Variants in COPB1 observed in about 807,000 individuals in gnomAD.
COPB1 encodes the protein coat protein complex I subunit beta 1, also known as coatomer subunit beta.
A neutral mutation model predicts 108.7 loss-of-function variants in COPB1; 21 were observed. That is an observed-to-expected ratio of 0.19 (90% CI 0.14 to 0.28). The LOEUF (loss-of-function observed/expected upper bound fraction) is 0.28, where lower values mean the gene tolerates loss of function less well. COPB1 is among the 10% of genes least tolerant of loss of function. The pLI, the probability that COPB1 is intolerant of heterozygous loss-of-function variation, is 1.00. For synonymous variants in COPB1, 378 were observed against 386.8 expected, an observed-to-expected ratio of 0.98 and a Z score of 0.27; for missense variants, 919 against 1,141.3, an observed-to-expected ratio of 0.81 and a Z score of 2.81.
At chr11:14,474,853 T>C (rs1004130631) in intron 13 of COPB1, among the ~76,000 whole-genome samples, 2 of 152,084 alleles carry the variant, frequency 1.3e-5, no homozygotes, top group African/African-American at 4.8e-5. Flanking sequence ...CCCAGCACTT[T>C]GGGAGGCCAA....
At chr11:14,459,496 A>T (rs957129991) in intron 20 of COPB1, among the ~76,000 whole-genome samples, 1 of 152,166 alleles carries the variant, frequency 6.6e-6, no homozygotes, top group Admixed American at 6.5e-5. Flanking sequence ...TACATACACA[A>T]ACATAGCAAA....
At position 14,499,044 on chromosome 11, in the gene COPB1, G is replaced by A. The variant is rs539834016; in HGVS notation, c.-57-59C>T. On this transcript the variant is annotated intron_variant, in intron 1 of 21. Transcript: ENST00000439561. ...TTAAAAAAAAAAAACCCACAAACAAGTACCTATAGTGACCTTTTAAAGTAT... is the reference window on the plus strand; with the variant it reads ...TTAAAAAAAAAAAACCCACAAACAAATACCTATAGTGACCTTTTAAAGTAT... The A allele has an allele frequency of 4.7e-4, 361 of 771,920 alleles. 3 individuals carry two copies. The South Asian group carries it at 6.3e-3, about 13-fold the overall frequency. 47.8% of individuals were successfully genotyped at this position (771,920 alleles called of 1,614,324 possible). A position where few individuals can be genotyped will look rare whatever the true frequency, so the allele number is the denominator to read the frequency against.
At chr11:14,472,381 A>G (rs1025797617) in intron 14 of COPB1, among the ~76,000 whole-genome samples, 2 of 152,246 alleles carry the variant, frequency 1.3e-5, no homozygotes, top group Non-Finnish European at 2.9e-5. Context: ...TCCCGTAAAG[A>G]GGATGTGCTG....
chr11:14,483,722 G>A (rs2134117532), intron 7 of COPB1, among the ~76,000 whole-genome samples: 1 of 151,870 alleles, frequency 6.6e-6, no homozygotes. Flanking sequence ...AAGAAGGGAG[G>A]GAGGGAAGAG....
intron 8 of COPB1, among the ~76,000 whole-genome samples, chr11:14,481,474 T>TA (rs901399142): frequency 1.3e-5 from 2 of 151,852 alleles, no homozygotes; most frequent in African/African-American, 4.8e-5. Context: ...ATCAGTGTCA[T>TA]AAAAAAAAGA....
intron 8 of COPB1, among the ~76,000 whole-genome samples, chr11:14,481,459 A>G (rs1246555424): frequency 2.0e-5 from 3 of 152,230 alleles, no homozygotes; most frequent in Non-Finnish European, 4.4e-5. Context: ...TGGTCTCTTC[A>G]ACAAATCAGT....
rs999476955 is a variant in COPB1, at chr11:14,457,737, T to C, written c.*87A>G. The C allele has an allele frequency of 2.4e-6, 2 of 826,274 alleles. No individual in the cohort carries two copies. The highest frequency in any genetic ancestry group is 3.4e-5 in the African/African-American group (2 of 58,590). 51.2% of individuals were successfully genotyped at this position (826,274 alleles called of 1,614,324 possible). ...ATTCAGCATGAACTCAGATTCTATA[T>C]AAGCATGAAAGAGTACAAAAGATGT... On this transcript the variant is annotated 3_prime_UTR_variant, in exon 22 of 22. Coordinates refer to ENST00000439561, the MANE Select transcript of COPB1 (RefSeq NM_001144061.2).
At chr11:14,477,071 ATCTT>A (rs1850536791) in intron 11 of COPB1, 56 bp from the exon 12 acceptor site, 3 of 1,196,592 alleles carry the variant, frequency 2.5e-6, no homozygotes, top group African/African-American at 1.5e-5. Flanking sequence ...TGAAGCAGAG[ATCTT>A]TCTTTGTTAA....
intron 2 of COPB1, among the ~76,000 whole-genome samples, chr11:14,496,873 C>G (rs117316450): frequency 0.012 from 1,764 of 152,162 alleles, 14 homozygotes; most frequent in Non-Finnish European, 0.018. Flanking sequence ...TGGAAAATAA[C>G]AGAACCAAGA....
At chr11:14,474,731 G>A (rs1418611992) in intron 13 of COPB1, 116 bp from the exon 14 acceptor site, 1 of 1,403,378 alleles carries the variant, frequency 7.1e-7, no homozygotes, top group Admixed American at 2.3e-5. Context: ...TCAGTGATAA[G>A]GATACCTTAG....
At chr11:14,460,785 C>T (rs551242733) in intron 19 of COPB1, among the ~76,000 whole-genome samples, 8 of 152,202 alleles carry the variant, frequency 5.3e-5, no homozygotes, top group Admixed American at 1.3e-4. Flanking sequence ...ATTACAGGCA[C>T]GAGCTACCGT....
intron 14 of COPB1, among the ~76,000 whole-genome samples, chr11:14,472,250 C>T (rs1015335239): frequency 2.6e-5 from 4 of 152,212 alleles, no homozygotes; most frequent in Admixed American, 6.5e-5. Context: ...TTTCTTTCTA[C>T]ATCTCCATCA....
intron 5 of COPB1, among the ~76,000 whole-genome samples, chr11:14,489,888 A>C (rs1850857491): frequency 6.6e-6 from 1 of 152,238 alleles, no homozygotes; most frequent in South Asian, 2.1e-4. Flanking sequence ...TGTGTATGTT[A>C]CCACAATTTT....
In COPB1 at chr11:14,461,178, G is replaced by A. The variant is rs1327511603; in HGVS notation, c.2556+8C>T. ...AAAGGAATATGAGAAAATCTCCCAA[G>A]GACTAACTTTGTTTTCCCATTCAAA... On this transcript the variant is annotated splice_region_variant and intron_variant, in intron 19 of 21. Coordinates refer to ENST00000439561, the MANE Select transcript of COPB1 (RefSeq NM_001144061.2). 1 of 1,614,054 alleles carries A rather than the reference G, an allele frequency of 6.2e-7. No individual in the cohort carries two copies. Among genetic ancestry groups the A allele is most frequent in the South Asian group, 1.1e-5 (1 of 91,056 alleles).
At chr11:14,458,721 C>A in intron 20 of COPB1, 34 bp from the exon 21 acceptor site, 1 of 1,592,994 alleles carries the variant, frequency 6.3e-7, no homozygotes, top group African/African-American at 1.4e-5. Flanking sequence ...CATTACTTTA[C>A]CAGATACCTA....
chr11:14,475,968 A>G (rs138486943), intron 12 of COPB1, 23 bp from the exon 13 acceptor site: 19 of 1,560,164 alleles, frequency 1.2e-5, no homozygotes, highest in Admixed American at 2.0e-5. Flanking sequence ...TGGAAACATC[A>G]TTTTAGTAAT....
At chr11:14,470,516 C>G (rs537169918) in intron 14 of COPB1, among the ~76,000 whole-genome samples, 1 of 152,166 alleles carries the variant, frequency 6.6e-6, no homozygotes, top group Non-Finnish European at 1.5e-5. Context: ...CAAGTGATTG[C>G]AACTTACTTT....
chr11:14,473,465 T>C (rs573189281), intron 14 of COPB1, among the ~76,000 whole-genome samples: 128 of 152,330 alleles, frequency 8.4e-4, no homozygotes, highest in African/African-American at 2.8e-3. Context: ...GACATGTGAC[T>C]CTTCCCTTCA....
At chr11:14,485,659 C>T (rs1207372187) in intron 7 of COPB1, among the ~76,000 whole-genome samples, 1 of 152,104 alleles carries the variant, frequency 6.6e-6, no homozygotes, top group African/African-American at 2.4e-5. Flanking sequence ...CCAGCCTGGC[C>T]AACATGGTGA....
Sources: gnomAD v4.1 joint callset for allele counts (sites outside exome capture counted in the v4.1 genomes callset) on GRCh38, gnomAD v4.1.1 for gene constraint, MANE v1.5 for transcripts, NCBI Gene and HGNC (gene_info 2026-07-23, HGNC 2026-07-21) for gene names.